OSBPL10: variants seen among roughly 807,000 people sequenced by gnomAD.
OSBPL10 encodes oxysterol binding protein like 10, also known as oxysterol-binding protein-related protein 10.
In OSBPL10, 49 loss-of-function variants were observed where a neutral mutation model predicts 81.7. The ratio of observed to expected loss-of-function variants is 0.60; its 90% CI spans 0.48 to 0.76. The LOEUF (loss-of-function observed/expected upper bound fraction) is 0.76. Among genes scored for constraint, OSBPL10 ranks in the 30% least tolerant of loss-of-function variants. OSBPL10 has a pLI of 0.00. For missense variants in OSBPL10, 923 were observed against 987.8 expected (o/e 0.93, Z 0.88); for synonymous variants, 419 against 383.6 (o/e 1.09, Z -1.08).
intron 2 of OSBPL10, among the ~76,000 whole-genome samples, chr3:32,029,036 TG>T (rs1204288130): frequency 6.7e-6 from 1 of 150,046 alleles, no homozygotes; most frequent in Non-Finnish European, 1.5e-5. Context: ...TGTTGTTAAC[TG>T]CCCTGCTACG....
At chr3:31,925,398 A>G (rs985469008) in intron 1 of OSBPL10, among the ~76,000 whole-genome samples, 3 of 151,856 alleles carry the variant, frequency 2.0e-5, no homozygotes, top group Non-Finnish European at 4.4e-5. Context: ...AAGACAACTC[A>G]CTGCACCTTA....
chr3:31,990,928 A>G, intron 2 of OSBPL10: 1 of 1,574,840 alleles, frequency 6.3e-7, no homozygotes, highest in Non-Finnish European at 8.6e-7. Flanking sequence ...GAGAATCCAT[A>G]CCGGACAGAA....
chr3:31,924,195 G>A (rs1697000430), intron 1 of OSBPL10, among the ~76,000 whole-genome samples: 1 of 149,606 alleles, frequency 6.7e-6, no homozygotes, highest in East Asian at 2.0e-4. Flanking sequence ...CTCCAGCCCA[G>A]GTGACAGTGC....
At chr3:31,868,888 T>C (rs909580654) in intron 3 of OSBPL10, among the ~76,000 whole-genome samples, 4 of 152,238 alleles carry the variant, frequency 2.6e-5, no homozygotes, top group African/African-American at 9.6e-5. Flanking sequence ...TATTGACTTT[T>C]GTTGATTTTG....
At position 31,876,419 on chromosome 3, in the gene OSBPL10, T is replaced by C; in HGVS notation, c.537+14A>G. The C allele has an allele frequency of 6.3e-7, 1 of 1,598,142 alleles. No individual in the cohort carries two copies. Among genetic ancestry groups the C allele is most frequent in the East Asian group, 2.2e-5 (1 of 44,796 alleles). On this transcript the variant is annotated intron_variant, in intron 3 of 11. Coordinates refer to ENST00000396556, the MANE Select transcript of OSBPL10 (RefSeq NM_017784.5). ...GTTATTCGAATGCCTCCTTCCTTTC[T>C]CACGGTGACTTACCTTAGAATTCAT...
chr3:32,070,448 CA>C (rs1014892574), intron 1 of OSBPL10, among the ~76,000 whole-genome samples: 1 of 152,154 alleles, frequency 6.6e-6, no homozygotes, highest in African/African-American at 2.4e-5. Context: ...CTTCCCAACC[CA>C]AAGCCTCCTT....
At chr3:31,744,537 C>A (rs868113538) in intron 5 of OSBPL10, among the ~76,000 whole-genome samples, 112 of 96,246 alleles carry the variant, frequency 1.2e-3, no homozygotes, top group Admixed American at 1.8e-3. Context: ...GACTCCGTCT[C>A]AAAAAAAAAA....
At chr3:31,812,730 GAAAGAAAGAAAGAA>G (rs1559476121) in intron 4 of OSBPL10, among the ~76,000 whole-genome samples, 2 of 17,160 alleles carry the variant, frequency 1.2e-4, no homozygotes, top group African/African-American at 6.6e-4. Context: ...AAGAAAGAAA[GAAAGAAAGAAAGAA>G]AGAAAGAAAG....
intron 2 of OSBPL10, among the ~76,000 whole-genome samples, chr3:31,992,193 T>G: frequency 6.6e-6 from 1 of 151,244 alleles, no homozygotes; most frequent in Non-Finnish European, 1.5e-5. Context: ...GCAAAAAGTA[T>G]GGACACATAG....
intron 4 of OSBPL10, among the ~76,000 whole-genome samples, chr3:31,809,457 C>G (rs953734990): frequency 6.6e-6 from 1 of 152,178 alleles, no homozygotes; most frequent in Non-Finnish European, 1.5e-5. Context: ...AACTATGCCC[C>G]TATTCTTAGA....
chr3:31,809,696 G>T (rs1699623239), intron 4 of OSBPL10, among the ~76,000 whole-genome samples: 1 of 152,106 alleles, frequency 6.6e-6, no homozygotes, highest in Non-Finnish European at 1.5e-5. Context: ...AAGTATTGTA[G>T]TTCTGGAATA....
intron 2 of OSBPL10, among the ~76,000 whole-genome samples, chr3:32,014,165 T>G (rs907901453): frequency 6.6e-6 from 1 of 152,178 alleles, no homozygotes; most frequent in South Asian, 2.1e-4. Context: ...TAGACCAATA[T>G]CCCTGATGAA....
chr3:31,725,734 C>T (rs1287459844), intron 6 of OSBPL10, among the ~76,000 whole-genome samples: 1 of 152,182 alleles, frequency 6.6e-6, no homozygotes, highest in Non-Finnish European at 1.5e-5. Flanking sequence ...GTTAAATTTA[C>T]TTCTACTGGA....
At chr3:31,855,415 G>C (rs556522265) in intron 3 of OSBPL10, among the ~76,000 whole-genome samples, 1 of 152,086 alleles carries the variant, frequency 6.6e-6, no homozygotes, top group Non-Finnish European at 1.5e-5. Context: ...AGTCCATGTA[G>C]GATATATTTT....
chr3:31,807,075 T>G (rs1699537969), intron 4 of OSBPL10, among the ~76,000 whole-genome samples: 1 of 152,178 alleles, frequency 6.6e-6, no homozygotes, highest in Non-Finnish European at 1.5e-5. Context: ...TGATCTGACA[T>G]GTCCATTAAA....
intron 2 of OSBPL10, among the ~76,000 whole-genome samples, chr3:32,015,492 A>G (rs1195627207): frequency 6.6e-6 from 1 of 152,252 alleles, no homozygotes; most frequent in Non-Finnish European, 1.5e-5. Context: ...AAAACCATAA[A>G]AACTCTAGAA....
chr3:31,689,027 C>CT (rs1414261189), intron 7 of OSBPL10, among the ~76,000 whole-genome samples: 1 of 152,160 alleles, frequency 6.6e-6, no homozygotes, highest in Non-Finnish European at 1.5e-5. Flanking sequence ...TCTTCCTCTT[C>CT]TCTTTATCAA....
At chr3:31,930,573 A>G (rs1269326815) in intron 1 of OSBPL10, among the ~76,000 whole-genome samples, 1 of 152,248 alleles carries the variant, frequency 6.6e-6, no homozygotes, top group East Asian at 1.9e-4. Context: ...ATGAGCATCC[A>G]TAGCAGAATG....
intron 2 of OSBPL10, among the ~76,000 whole-genome samples, chr3:32,032,475 AAAATG>A (rs1190562394): frequency 1.3e-5 from 2 of 152,128 alleles, no homozygotes; most frequent in African/African-American, 4.8e-5. Context: ...AAAAAACAAT[AAAATG>A]AAATAAAATC....
Sources: gnomAD v4.1 joint callset for allele counts (sites outside exome capture counted in the v4.1 genomes callset) on GRCh38, gnomAD v4.1.1 for gene constraint, MANE v1.5 for transcripts, NCBI Gene and HGNC (gene_info 2026-07-23, HGNC 2026-07-21) for gene names.